SYDE1: variants seen among roughly 807,000 people sequenced by gnomAD.
The protein encoded by SYDE1 is rho GTPase-activating protein SYDE1.
In SYDE1, 34 loss-of-function variants were observed where a neutral mutation model predicts 63.3. The ratio of observed to expected loss-of-function variants is 0.54; its 90% CI spans 0.41 to 0.71. The LOEUF is 0.71. Ranked by LOEUF, SYDE1 falls within the 30% of genes least tolerant of loss-of-function variation. SYDE1 has a pLI of 0.00. For synonymous variants in SYDE1, 467 were observed against 473.4 expected (o/e 0.99, Z 0.18); for missense variants, 925 against 1,042.5 (o/e 0.89, Z 1.55).
In SYDE1 at chr19:15,114,618, C is replaced by A. The variant is rs1231557610; in HGVS notation, c.*655C>A. 1 of 70,952 alleles carries A rather than the reference C, an allele frequency of 1.4e-5. No individual in the cohort carries two copies. Among genetic ancestry groups the A allele is most frequent in the Non-Finnish European group, 3.1e-5 (1 of 32,632 alleles). The allele number at this position is 70,952 out of a possible 1,614,324, so 4.4% of individuals were successfully genotyped here. A position where few individuals can be genotyped will look rare whatever the true frequency, so the allele number is the denominator to read the frequency against. Reference sequence around the variant, plus strand: ...GCCTTTCCAATCCCCATCTCCTTGCCCCCCCCTTGCCCCCCCCCCCGAAAA... The same window carrying A: ...GCCTTTCCAATCCCCATCTCCTTGCACCCCCCTTGCCCCCCCCCCCGAAAA... On this transcript the variant is annotated 3_prime_UTR_variant, in exon 8 of 8. Transcript: ENST00000342784.
chr19:15,114,764 G>A lies in SYDE1; in HGVS notation c.*801G>A, dbSNP rs974708807. ...ATGTGTGTGTGTGTCTGTGAGGACTGGTGTGCGTGGACACGTCTGAAGCAG... is the reference window on the plus strand; with the variant it reads ...ATGTGTGTGTGTGTCTGTGAGGACTAGTGTGCGTGGACACGTCTGAAGCAG... On this transcript the variant is annotated 3_prime_UTR_variant, in exon 8 of 8. Transcript: ENST00000342784. 2.2e-5 allele frequency: 5 copies of A among 224,382 alleles called. No homozygotes were observed. Among genetic ancestry groups the A allele is most frequent in the African/African-American group, 4.6e-5 (2 of 43,736 alleles). The allele number at this position is 224,382 out of a possible 1,614,324, so 13.9% of individuals were successfully genotyped here.
chr19:15,112,284 T>G (rs2046349991), intron 6 of SYDE1, 62 bp from the exon 7 acceptor site: 5 of 1,165,456 alleles, frequency 4.3e-6, no homozygotes, highest in Non-Finnish European at 6.2e-6. Context: ...CTTAGTCTCT[T>G]GCAGGTAGGT....
At position 15,114,756 on chromosome 19, in the gene SYDE1, T is replaced by C. The variant is rs2145334916; in HGVS notation, c.*793T>C. 1 of 206,420 alleles carries C rather than the reference T, an allele frequency of 4.8e-6. No individual in the cohort carries two copies. The highest frequency in any genetic ancestry group is 1.2e-4 in the East Asian group (1 of 8,180). 12.8% of individuals were successfully genotyped at this position (206,420 alleles called of 1,614,324 possible). A position where few individuals can be genotyped will look rare whatever the true frequency, so the allele number is the denominator to read the frequency against. Reference sequence around the variant, plus strand: ...CTCCATGCATGTGTGTGTGTGTCTGTGAGGACTGGTGTGCGTGGACACGTC... The same window carrying C: ...CTCCATGCATGTGTGTGTGTGTCTGCGAGGACTGGTGTGCGTGGACACGTC... On this transcript the variant is annotated 3_prime_UTR_variant, in exon 8 of 8. Coordinates refer to ENST00000342784, the MANE Select transcript of SYDE1 (RefSeq NM_033025.6).
At position 15,113,985 on chromosome 19, in the gene SYDE1, C is replaced by A. The variant is rs772136426; in HGVS notation, c.*22C>A. ...CTGAGCCAGATGACGGGGTGGGACC[C>A]CGGTTAGTAAGGACCGGGCGCCCAG... On this transcript the variant is annotated 3_prime_UTR_variant, in exon 8 of 8. Coordinates refer to ENST00000342784, the MANE Select transcript of SYDE1 (RefSeq NM_033025.6). 2 of 1,600,000 alleles carry A rather than the reference C, an allele frequency of 1.3e-6. No individual in the cohort carries two copies. Among genetic ancestry groups the A allele is most frequent in the East Asian group, 2.2e-5 (1 of 44,674 alleles).
In SYDE1 at chr19:15,110,218, G is replaced by A; in HGVS notation, c.945G>A (p.Leu315=). ...PLRGGPDFLR[L]DHTFHLELEA... ...GAGGGGGGCCGGACTTCCTGCGGCT[G>A]GACCACACCTTCCACCTGGAGCTGG... is the stretch of plus-strand genomic sequence containing the variant. Residue 315 remains leucine, a synonymous_variant, in exon 3 of 8, where the codon CTG becomes CTA. Coordinates refer to ENST00000342784, the MANE Select transcript of SYDE1 (RefSeq NM_033025.6). The surrounding 1 kb of genome is among the most constrained non-coding windows in gnomAD (Gnocchi z 6.9). The A allele has an allele frequency of 7.0e-7, 1 of 1,419,790 alleles. No homozygotes were observed. The highest frequency in any genetic ancestry group is 1.5e-5 in the African/African-American group (1 of 67,630). The allele number at this position is 1,419,790 out of a possible 1,614,324, so 87.9% of individuals were successfully genotyped here. A position where few individuals can be genotyped will look rare whatever the true frequency, so the allele number is the denominator to read the frequency against.
intron 1 of SYDE1, 54 bp downstream of exon 1, chr19:15,107,575 G>A: frequency 7.2e-7 from 1 of 1,392,660 alleles, no homozygotes; most frequent in Non-Finnish European, 9.8e-7. Flanking sequence ...CGGCCTGGGA[G>A]CGGGGTCCCA....
rs781712737 is a variant in SYDE1, at chr19:15,108,392, G to A, written c.89-664G>A. On this transcript the variant is annotated intron_variant, in intron 1 of 7. Coordinates refer to ENST00000342784, the MANE Select transcript of SYDE1 (RefSeq NM_033025.6). The surrounding 1 kb of genome is among the most constrained non-coding windows in gnomAD (Gnocchi z 4.3). Reference sequence around the variant, plus strand: ...AGGAAACAGCCCAGGACATGAGACAGGAGAGGAGGGAGGGAAGGGGAAGTC... The same window carrying A: ...AGGAAACAGCCCAGGACATGAGACAAGAGAGGAGGGAGGGAAGGGGAAGTC... 2.0e-5 allele frequency among the ~76,000 whole-genome samples: 3 copies of A among 152,166 alleles called. No homozygotes were observed. Among genetic ancestry groups the A allele is most frequent in the Non-Finnish European group, 4.4e-5 (3 of 68,030 alleles).
At chr19:15,107,579 G>T (rs1468534790) in intron 1 of SYDE1, 58 bp downstream of exon 1, 1 of 1,349,886 alleles carries the variant, frequency 7.4e-7, no homozygotes, top group Non-Finnish European at 1.0e-6. Flanking sequence ...CTGGGAGCGG[G>T]GTCCCAGGGC....
rs2046348046 is a variant in SYDE1 at position 15,111,868 on chromosome 19, C to T, written c.1578+76C>T. 7.1e-7 allele frequency: 1 copy of T among 1,399,226 alleles called. No homozygotes were observed. Among genetic ancestry groups the T allele is most frequent in the South Asian group, 1.4e-5 (1 of 69,576 alleles). The allele number at this position is 1,399,226 out of a possible 1,614,324, so 86.7% of individuals were successfully genotyped here. A position where few individuals can be genotyped will look rare whatever the true frequency, so the allele number is the denominator to read the frequency against. On this transcript the variant is annotated intron_variant, in intron 6 of 7. Coordinates refer to ENST00000342784, the MANE Select transcript of SYDE1 (RefSeq NM_033025.6). This position sits in a 1 kb window ranked among gnomAD's most constrained non-coding sequence, Gnocchi z 5.5. ...ATAGAATGTTTCACCCATGCCTGGG[C>T]CTGAGATGGGCATGAGCTGGCAGCA... is the stretch of plus-strand genomic sequence containing the variant.
chr19:15,112,282 C>G, intron 6 of SYDE1, 64 bp from the exon 7 acceptor site: 6 of 1,151,504 alleles, frequency 5.2e-6, no homozygotes, highest in Non-Finnish European at 7.5e-6. Flanking sequence ...ACCTTAGTCT[C>G]TTGCAGGTAG....
Position 15,110,513 on chromosome 19 carries a change from G to A in SYDE1, c.1076-8G>A, listed in dbSNP as rs1241474639. 6.4e-7 allele frequency: 1 copy of A among 1,569,306 alleles called. No individual in the cohort carries two copies. Among genetic ancestry groups the A allele is most frequent in the Non-Finnish European group, 8.6e-7 (1 of 1,160,148 alleles). Reference sequence around the variant, plus strand: ...GCACACCCGGCTCAGGCCCCCTTGTGTCCTCAGGGTGCCAGGCCCAACAGC... The same window carrying A: ...GCACACCCGGCTCAGGCCCCCTTGTATCCTCAGGGTGCCAGGCCCAACAGC... On this transcript the variant is annotated splice_region_variant and splice_polypyrimidine_tract_variant and intron_variant, in intron 3 of 7. Transcript: ENST00000342784. The surrounding 1 kb of genome is among the most constrained non-coding windows in gnomAD (Gnocchi z 6.9).
At position 15,110,733 on chromosome 19, in the gene SYDE1, C is replaced by A; in HGVS notation, c.1288C>A (p.Arg430=). ...CVGQIERRGL[R]VVGLYRLCGS... is the part of the protein sequence containing the mutation. ...TGGGCAGATCGAGCGCCGAGGGCTG[C>A]GGGTGAGCACCCACCCCACCCCAAC... The change falls in exon 4 of 8, where the codon CGG becomes AGG. Residue 430 remains arginine (R), a splice_region_variant and synonymous_variant. Coordinates refer to ENST00000342784, the MANE Select transcript of SYDE1 (RefSeq NM_033025.6). The surrounding 1 kb of genome is among the most constrained non-coding windows in gnomAD (Gnocchi z 6.9). The A allele has an allele frequency of 5.8e-6, 9 of 1,541,476 alleles. No individual in the cohort carries two copies. The Middle Eastern group carries it at 1.7e-3, about 289-fold the overall frequency.
Position 15,109,248 on chromosome 19 carries a change from C to T in SYDE1, c.281C>T (p.Thr94Ile). ...GGTGGGGCCAAGCCAGCTGAGGACA[C>T]CTCTTTAGGGCCTGGGGTACCTGGC... ...VLGGAKPAED[T>I]SLGPGVPGTG... The change falls in exon 2 of 8, where the codon ACC becomes ATC. Residue 94 changes from threonine to isoleucine, a missense_variant. Around this residue, in one of 3 missense-constraint regions of SYDE1, gnomAD observed 599 missense variants for 653.7 expected, o/e 0.92. Transcript: ENST00000342784. The surrounding 1 kb of genome is among the most constrained non-coding windows in gnomAD (Gnocchi z 5.0). 1.4e-5 allele frequency: 22 copies of T among 1,599,656 alleles called. No individual in the cohort carries two copies. The highest frequency in any genetic ancestry group is 1.8e-5 in the Non-Finnish European group (21 of 1,173,344).
At chr19:15,112,255 G>A (rs2046349862) in intron 6 of SYDE1, 91 bp from the exon 7 acceptor site, 2 of 791,840 alleles carry the variant, frequency 2.5e-6, no homozygotes, top group Non-Finnish European at 4.1e-6. Flanking sequence ...CTGTGAACCT[G>A]CTTCCCTACT....
chr19:15,113,251 G>A (rs1349723655), intron 7 of SYDE1, among the ~76,000 whole-genome samples: 1 of 152,094 alleles, frequency 6.6e-6, no homozygotes, highest in Non-Finnish European at 1.5e-5. Context: ...TGTTGGCCAG[G>A]CTGGTCTTGA....
chr19:15,112,278 G>A, intron 6 of SYDE1, 68 bp from the exon 7 acceptor site: 1 of 1,091,062 alleles, frequency 9.2e-7, no homozygotes, highest in South Asian at 1.5e-5. Flanking sequence ...AGCCACCTTA[G>A]TCTCTTGCAG....
rs2046346120 is a variant in SYDE1, at chr19:15,111,569, C to T, written c.1418-63C>T. 1.2e-6 allele frequency: 2 copies of T among 1,605,384 alleles called. No homozygotes were observed. The highest frequency in any genetic ancestry group is 3.4e-5 in the Admixed American group (2 of 59,614). The stretch of plus-strand genomic sequence containing the variant: ...TCACCCACCTCCTCTTCCCCCTTAG[C>T]TGTGCCCTCCTTAGCCTTAGAAGCC... On this transcript the variant is annotated intron_variant, in intron 5 of 7. Coordinates refer to ENST00000342784, the MANE Select transcript of SYDE1 (RefSeq NM_033025.6). This position sits in a 1 kb window ranked among gnomAD's most constrained non-coding sequence, Gnocchi z 5.5.
At position 15,110,261 on chromosome 19, in the gene SYDE1, C is replaced by G. The variant is rs911209807; in HGVS notation, c.988C>G (p.Arg330Gly). The G allele has an allele frequency of 1.4e-6, 2 of 1,415,980 alleles. No individual in the cohort carries two copies. The highest frequency in any genetic ancestry group is 3.1e-5 in the Admixed American group (1 of 32,404). 87.7% of individuals were successfully genotyped at this position (1,415,980 alleles called of 1,614,324 possible). ...GGAGCTGGAGGCCGCCAGGCTCCTG[C>G]GCGCCCTGGTGCTTGCGTGGGACCC... ...HLELEAARLL[R>G]ALVLAWDPGV... The change falls in exon 3 of 8, where the codon CGC (arginine) becomes GGC (glycine). Residue 330 changes from arginine to glycine, a missense_variant. Transcript: ENST00000342784. The surrounding 1 kb of genome is among the most constrained non-coding windows in gnomAD (Gnocchi z 6.9).
In SYDE1 at chr19:15,108,650, T is replaced by TC. The variant is rs2046321380; in HGVS notation, c.89-400dup. Among the ~76,000 whole-genome samples, 1 of 151,828 alleles carries TC rather than the reference T, an allele frequency of 6.6e-6. No individual in the cohort carries two copies. The highest frequency in any genetic ancestry group is 1.5e-5 in the Non-Finnish European group (1 of 67,952). ...AGCCTCCCTGGACATGGAAATCACA[T>TC]CCCCCCATTTCACAGGAGGATACTG... On this transcript the variant is annotated intron_variant, in intron 1 of 7. Coordinates refer to ENST00000342784, the MANE Select transcript of SYDE1 (RefSeq NM_033025.6). This position sits in a 1 kb window ranked among gnomAD's most constrained non-coding sequence, Gnocchi z 4.3.
Sources: allele counts gnomAD v4.1 joint callset (sites outside exome capture counted in the v4.1 genomes callset), GRCh38; gene constraint gnomAD v4.1.1; regional missense constraint gnomAD v4.1.1; non-coding constraint Gnocchi (gnomAD v3.1); transcripts MANE v1.5; gene names NCBI Gene and HGNC (gene_info 2026-07-23, HGNC 2026-07-21).